ATRNL1: variants seen among roughly 807,000 people sequenced by gnomAD.
ATRNL1 encodes attractin like 1.
Under a neutral mutation model 182.7 loss-of-function variants are expected in ATRNL1, and 95 were observed. The observed-to-expected ratio is 0.52, with a 90% CI of 0.44 to 0.62. The LOEUF (loss-of-function observed/expected upper bound fraction) is 0.62. ATRNL1 is among the 20% of genes least tolerant of loss of function. The pLI is 0.00. For missense variants in ATRNL1, 1,471 were observed against 1,679.5 expected (o/e 0.88, Z 2.17); for synonymous variants, 576 against 568.3 (o/e 1.01, Z -0.19).
intron 19 of ATRNL1, among the ~76,000 whole-genome samples, chr10:115,357,609 G>A (rs1269623944): frequency 6.6e-6 from 1 of 151,434 alleles, no homozygotes; most frequent in Non-Finnish European, 1.5e-5. Context: ...CATAGGACAT[G>A]GATCCAAATA....
intron 24 of ATRNL1, among the ~76,000 whole-genome samples, chr10:115,514,348 G>A (rs1416136644): frequency 6.6e-6 from 1 of 151,608 alleles, no homozygotes; most frequent in African/African-American, 2.4e-5. Context: ...TTTATTAATA[G>A]GTAAAGATAG....
chr10:115,638,271 G>C (rs1036185845), intron 26 of ATRNL1, among the ~76,000 whole-genome samples: 45 of 152,138 alleles, frequency 3.0e-4, no homozygotes, highest in African/African-American at 1.0e-3. Flanking sequence ...GTAACATGCT[G>C]TACAGTTTGT....
chr10:115,402,866 A>G (rs1317111819), intron 20 of ATRNL1, among the ~76,000 whole-genome samples: 1 of 152,148 alleles, frequency 6.6e-6, no homozygotes, highest in South Asian at 2.1e-4. Flanking sequence ...AGGGCACAGA[A>G]GAATCTCCTG....
intron 26 of ATRNL1, among the ~76,000 whole-genome samples, chr10:115,706,377 A>C (rs1946898320): frequency 6.6e-6 from 1 of 151,826 alleles, no homozygotes; most frequent in African/African-American, 2.4e-5. Flanking sequence ...ATCCAGGAAA[A>C]AATCCCCATC....
Position 115,300,728 on chromosome 10 carries a change from T to G in ATRNL1, c.2629+481T>G, listed in dbSNP as rs1312050149. On this transcript the variant is annotated intron_variant, in intron 16 of 28. Transcript: ENST00000355044. ...ATCTTATATTTTTATCATGGTAAAATGTACTTAAAATTTACCATTTTAACC... is the reference window on the plus strand; with the variant it reads ...ATCTTATATTTTTATCATGGTAAAAGGTACTTAAAATTTACCATTTTAACC... Among the ~76,000 whole-genome samples, 8 of 152,194 alleles carry G rather than the reference T, an allele frequency of 5.3e-5. No homozygotes were observed. In the East Asian group the frequency reaches 1.5e-3, roughly 29 times the overall value.
At chr10:115,187,017 A>G (rs1847968078) in intron 8 of ATRNL1, among the ~76,000 whole-genome samples, 1 of 152,140 alleles carries the variant, frequency 6.6e-6, no homozygotes, top group South Asian at 2.1e-4. Flanking sequence ...AAACATGCTC[A>G]ATATTACTAG....
intron 8 of ATRNL1, among the ~76,000 whole-genome samples, chr10:115,210,951 AT>A (rs1302616685): frequency 6.6e-6 from 1 of 151,324 alleles, no homozygotes; most frequent in Non-Finnish European, 1.5e-5. Context: ...TGGTGTTATA[AT>A]TTTTTTCCAT....
At chr10:115,437,516 T>G (rs1489532558) in intron 21 of ATRNL1, among the ~76,000 whole-genome samples, 1 of 152,036 alleles carries the variant, frequency 6.6e-6, no homozygotes, top group Non-Finnish European at 1.5e-5. Context: ...GTTAAAATAC[T>G]TGTACTTTTA....
chr10:115,527,913 T>TCCC (rs1554987029), intron 25 of ATRNL1, among the ~76,000 whole-genome samples: 3 of 88,054 alleles, frequency 3.4e-5, no homozygotes, highest in Non-Finnish European at 7.9e-5. Context: ...CCTTCCTTCC[T>TCCC]TCCTCCCTTC....
At chr10:115,485,575 TAA>T (rs1554974971) in intron 24 of ATRNL1, among the ~76,000 whole-genome samples, 1 of 152,102 alleles carries the variant, frequency 6.6e-6, no homozygotes, top group Non-Finnish European at 1.5e-5. Flanking sequence ...ATAAATCTGT[TAA>T]GTGTATTCTT....
chr10:115,309,704 A>G (rs1380234216), intron 17 of ATRNL1, among the ~76,000 whole-genome samples: 2 of 152,030 alleles, frequency 1.3e-5, no homozygotes, highest in Non-Finnish European at 2.9e-5. Context: ...GTATACAATC[A>G]TATCAAAGTC....
chr10:115,594,503 GT>G (rs1193514686), intron 26 of ATRNL1, among the ~76,000 whole-genome samples: 1 of 150,718 alleles, frequency 6.6e-6, no homozygotes, highest in African/African-American at 2.4e-5. Flanking sequence ...ACTAATACTT[GT>G]TTTTTGTTTT....
chr10:115,343,185 T>C (rs1475391023), intron 19 of ATRNL1, among the ~76,000 whole-genome samples: 1 of 152,194 alleles, frequency 6.6e-6, no homozygotes, highest in Non-Finnish European at 1.5e-5. Context: ...AGAAGTTTCG[T>C]GTTGTTACCC....
At chr10:115,736,550 G>A (rs1379270246) in intron 27 of ATRNL1, among the ~76,000 whole-genome samples, 2 of 151,888 alleles carry the variant, frequency 1.3e-5, no homozygotes, top group Admixed American at 1.3e-4. Context: ...GATTATTTCT[G>A]CTGGCCCTCA....
intron 26 of ATRNL1, among the ~76,000 whole-genome samples, chr10:115,692,374 G>T (rs1310724168): frequency 1.3e-5 from 2 of 152,088 alleles, no homozygotes; most frequent in Non-Finnish European, 2.9e-5. Flanking sequence ...GCAGGAATTT[G>T]AAGAATAAAT....
chr10:115,839,724 T>C (rs953116171), intron 27 of ATRNL1, among the ~76,000 whole-genome samples: 1 of 152,132 alleles, frequency 6.6e-6, no homozygotes, highest in Non-Finnish European at 1.5e-5. Context: ...AGCTCCAAAT[T>C]AGTCAGAGTT....
intron 18 of ATRNL1, among the ~76,000 whole-genome samples, chr10:115,319,923 A>G (rs1854499829): frequency 6.6e-6 from 1 of 150,992 alleles, no homozygotes; most frequent in African/African-American, 2.4e-5. Context: ...TGTGAATTTG[A>G]TCCTGTCATC....
chr10:115,618,821 A>T (rs1336514685), intron 26 of ATRNL1, among the ~76,000 whole-genome samples: 1 of 151,998 alleles, frequency 6.6e-6, no homozygotes, highest in Non-Finnish European at 1.5e-5. Context: ...CATTTAAAAC[A>T]TTTTCTTCTG....
intron 26 of ATRNL1, among the ~76,000 whole-genome samples, chr10:115,600,014 G>A (rs190934238): frequency 4.0e-4 from 61 of 151,984 alleles, no homozygotes; most frequent in Middle Eastern, 3.4e-3. Flanking sequence ...GCAACCATGC[G>A]TGTGCTTTCT....
Sources: gnomAD v4.1 joint callset for allele counts (sites outside exome capture counted in the v4.1 genomes callset) on GRCh38, gnomAD v4.1.1 for gene constraint, MANE v1.5 for transcripts, NCBI Gene and HGNC (gene_info 2026-07-23, HGNC 2026-07-21) for gene names.